KCNAB1: variants seen among roughly 807,000 people sequenced by gnomAD.
KCNAB1 encodes the protein voltage-gated potassium channel subunit beta-1.
KCNAB1 carries 35 observed loss-of-function variants against 64.6 expected under a neutral mutation model. The ratio of observed to expected loss-of-function variants is 0.54; its 90% confidence interval spans 0.41 to 0.72. The LOEUF is 0.72. Ranked by LOEUF, KCNAB1 falls within the 30% of genes least tolerant of loss-of-function variation. The probability of loss-of-function intolerance (pLI) is 0.00; values close to 1 mark genes in which losing one functional copy is unlikely to be tolerated. For synonymous variants in KCNAB1, 177 were observed against 183.8 expected (o/e 0.96, Z 0.30); for missense variants, 401 against 512.9 (o/e 0.78, Z 2.11).
chr3:156,377,087 CT>C (rs1181626258), intron 1 of KCNAB1, among the ~76,000 whole-genome samples: 2 of 152,130 alleles, frequency 1.3e-5, no homozygotes, highest in African/African-American at 4.8e-5. Flanking sequence ...AAGGATGTAT[CT>C]GGTTTTAAGG....
chr3:156,485,446 A>G (rs539477519), intron 8 of KCNAB1, among the ~76,000 whole-genome samples: 104 of 152,074 alleles, frequency 6.8e-4, no homozygotes, highest in Non-Finnish European at 1.3e-3. Context: ...ATTCTTCTAT[A>G]TGACCATAAC....
At chr3:156,457,281 G>T (rs1712508095) in intron 3 of KCNAB1, 172 bp from the exon 4 acceptor site, 17 of 1,425,684 alleles carry the variant, frequency 1.2e-5, no homozygotes, top group Non-Finnish European at 1.6e-5. Flanking sequence ...GAATACTTCT[G>T]TCCTATGGAT....
At chr3:156,204,423 C>T (rs566029247) in intron 1 of KCNAB1, among the ~76,000 whole-genome samples, 2 of 152,298 alleles carry the variant, frequency 1.3e-5, no homozygotes, top group South Asian at 4.1e-4. Flanking sequence ...AAAATCTAGT[C>T]TTACATGTAT....
rs551507222 is a variant in KCNAB1, at chr3:156,244,109, A to C, written c.275+123223A>C. Among the ~76,000 whole-genome samples, 3 of 152,372 alleles carry C rather than the reference A, an allele frequency of 2.0e-5. No individual in the cohort carries two copies. In the East Asian group the frequency reaches 5.8e-4, roughly 29 times the overall value. On this transcript the variant is annotated intron_variant, in intron 1 of 13. Transcript: ENST00000490337. ...AGAGCTGCTGTAACAAATGACAACAAATTTAGTGGCTTAAAACAACACAAA... is the reference window on the plus strand; with the variant it reads ...AGAGCTGCTGTAACAAATGACAACACATTTAGTGGCTTAAAACAACACAAA...
intron 2 of KCNAB1, among the ~76,000 whole-genome samples, chr3:156,426,462 A>C (rs1715825254): frequency 6.6e-6 from 1 of 152,164 alleles, no homozygotes; most frequent in Non-Finnish European, 1.5e-5. Flanking sequence ...CCTCTGATGA[A>C]CCTACAGTGC....
chr3:156,387,132 G>T (rs11717614), intron 1 of KCNAB1, among the ~76,000 whole-genome samples: 2 of 151,496 alleles, frequency 1.3e-5, no homozygotes, highest in African/African-American at 4.9e-5. Context: ...GGTCAGGGCA[G>T]ATGTGGCCAG....
intron 1 of KCNAB1, among the ~76,000 whole-genome samples, chr3:156,165,075 G>A (rs916713179): frequency 5.9e-5 from 9 of 151,720 alleles, no homozygotes; most frequent in South Asian, 2.1e-4. Context: ...TCAGGAGATC[G>A]AGACCATCCC....
intron 1 of KCNAB1, among the ~76,000 whole-genome samples, chr3:156,370,952 A>G (rs576445058): frequency 9.9e-5 from 15 of 151,972 alleles, no homozygotes; most frequent in Admixed American, 2.0e-4. Flanking sequence ...TCACTCAACA[A>G]CCTCCACCTG....
intron 8 of KCNAB1, among the ~76,000 whole-genome samples, chr3:156,500,948 T>A (rs1334460328): frequency 6.6e-6 from 1 of 152,228 alleles, no homozygotes; most frequent in East Asian, 1.9e-4. Context: ...ATCAATATAC[T>A]AGCATAGACT....
chr3:156,200,181 T>C (rs1714232845), intron 1 of KCNAB1, among the ~76,000 whole-genome samples: 1 of 152,220 alleles, frequency 6.6e-6, no homozygotes, highest in Admixed American at 6.5e-5. Flanking sequence ...TGCTGCCTGT[T>C]CCTTCCTCTG....
At position 156,131,785 on chromosome 3, in the gene KCNAB1, C is replaced by G. The variant is rs115568269; in HGVS notation, c.275+10899C>G. ...TGTTTCTTACTTATGCAAGTCCGACCAGGGGTGGGAAGGGTCCAGTCAGGT... is the reference window on the plus strand; with the variant it reads ...TGTTTCTTACTTATGCAAGTCCGACGAGGGGTGGGAAGGGTCCAGTCAGGT... On this transcript the variant is annotated intron_variant, in intron 1 of 13. Coordinates refer to ENST00000490337, the MANE Select transcript of KCNAB1 (RefSeq NM_172160.3). Among the ~76,000 whole-genome samples the G allele has an allele frequency of 8.9e-3, 1,350 of 152,274 alleles. 29 individuals are homozygous for G. The highest frequency in any genetic ancestry group is 0.031 in the African/African-American group (1,301 of 41,534).
At chr3:156,300,590 A>C (rs545179991) in intron 1 of KCNAB1, among the ~76,000 whole-genome samples, 3 of 152,332 alleles carry the variant, frequency 2.0e-5, no homozygotes, top group African/African-American at 7.2e-5. Context: ...TTTCGTCTGC[A>C]TGCCCTGGTC....
intron 1 of KCNAB1, among the ~76,000 whole-genome samples, chr3:156,173,978 C>A (rs534354430): frequency 6.6e-6 from 1 of 152,286 alleles, no homozygotes; most frequent in East Asian, 1.9e-4. Context: ...TGACATATAC[C>A]ATTGGCTCTC....
In KCNAB1 at chr3:156,226,068, C is replaced by G. The variant is rs529962354; in HGVS notation, c.275+105182C>G. On this transcript the variant is annotated intron_variant, in intron 1 of 13. Coordinates refer to ENST00000490337, the MANE Select transcript of KCNAB1 (RefSeq NM_172160.3). The stretch of plus-strand genomic sequence containing the variant: ...TTTCTCATAGAACTAGAAAAAAATC[C>G]TAAAATTCATATGGAACCAAAAAAG... Among the ~76,000 whole-genome samples, 2 of 152,044 alleles carry G rather than the reference C, an allele frequency of 1.3e-5. 1 individual carries two copies. Among genetic ancestry groups the G allele is most frequent in the African/African-American group, 4.8e-5 (2 of 41,476 alleles).
intron 1 of KCNAB1, among the ~76,000 whole-genome samples, chr3:156,232,574 A>G (rs959104299): frequency 1.3e-5 from 2 of 152,254 alleles, no homozygotes; most frequent in Admixed American, 6.5e-5. Flanking sequence ...CTACTGATCA[A>G]TGCACAGAAG....
chr3:156,212,890 C>T (rs941406768), intron 1 of KCNAB1, among the ~76,000 whole-genome samples: 37 of 152,154 alleles, frequency 2.4e-4, no homozygotes, highest in African/African-American at 8.4e-4. Flanking sequence ...AAATTGTGAC[C>T]GTGTCAGCTA....
chr3:156,226,645 A>G (rs1009403422), intron 1 of KCNAB1, among the ~76,000 whole-genome samples: 19 of 152,168 alleles, frequency 1.2e-4, no homozygotes, highest in African/African-American at 3.9e-4. Context: ...AATCACCGCT[A>G]AAGAACTTAT....
chr3:156,425,085 T>C (rs113584902), intron 2 of KCNAB1, among the ~76,000 whole-genome samples: 2,319 of 152,330 alleles, frequency 0.015, 27 homozygotes, highest in South Asian at 0.033. Flanking sequence ...TTTGTCAGGC[T>C]CTGCAGACCC....
At chr3:156,485,444 A>G (rs375485288) in intron 8 of KCNAB1, among the ~76,000 whole-genome samples, 6 of 152,096 alleles carry the variant, frequency 3.9e-5, no homozygotes, top group Admixed American at 1.3e-4. Flanking sequence ...GCATTCTTCT[A>G]TATGACCATA....
Sources: gnomAD v4.1 joint callset for allele counts (sites outside exome capture counted in the v4.1 genomes callset) on GRCh38, gnomAD v4.1.1 for gene constraint, MANE v1.5 for transcripts, NCBI Gene and HGNC (gene_info 2026-07-23, HGNC 2026-07-21) for gene names.